Variants in SDK1 observed in about 807,000 individuals in gnomAD.
The protein encoded by SDK1 is sidekick cell adhesion molecule 1, also known as protein sidekick-1.
In SDK1, 157 loss-of-function variants were observed where a neutral mutation model predicts 245.5. The observed-to-expected ratio is 0.64, with a 90% CI of 0.56 to 0.73. The LOEUF (loss-of-function observed/expected upper bound fraction) is 0.73, where lower values mean the gene tolerates loss of function less well. Among genes scored for constraint, SDK1 ranks in the 30% least tolerant of loss-of-function variants. SDK1 has a pLI of 0.00. For synonymous variants in SDK1, 1,647 were observed against 1,278.5 expected (o/e 1.29, Z -6.15); for missense variants, 3,583 against 3,002.3 (o/e 1.19, Z -4.52).
chr7:3,955,011 G>T (rs1404860331), intron 7 of SDK1, among the ~76,000 whole-genome samples: 1 of 151,924 alleles, frequency 6.6e-6, no homozygotes, highest in African/African-American at 2.4e-5. Context: ...TCTGACTGCA[G>T]CACCTTAGTG....
chr7:4,056,153 ATT>A (rs34368464), intron 19 of SDK1, among the ~76,000 whole-genome samples: 1 of 142,352 alleles, frequency 7.0e-6, no homozygotes, highest in Non-Finnish European at 1.5e-5. Flanking sequence ...AATAATCTCA[ATT>A]TTTTTTTTTT....
At chr7:4,106,652 C>G (rs953215570) in intron 22 of SDK1, among the ~76,000 whole-genome samples, 1 of 152,196 alleles carries the variant, frequency 6.6e-6, no homozygotes, top group Non-Finnish European at 1.5e-5. Context: ...GGGAGCCGCA[C>G]GCCCGGCGTT....
At chr7:3,679,064 A>C (rs970769296) in intron 4 of SDK1, among the ~76,000 whole-genome samples, 7 of 152,228 alleles carry the variant, frequency 4.6e-5, no homozygotes. Flanking sequence ...TAGCTATGGC[A>C]CCAAAAACAT....
At chr7:3,467,291 A>G (rs1243837672) in intron 1 of SDK1, among the ~76,000 whole-genome samples, 1 of 152,110 alleles carries the variant, frequency 6.6e-6, no homozygotes, top group Non-Finnish European at 1.5e-5. Context: ...GGAGCCAATT[A>G]AATGCCACTT....
intron 1 of SDK1, among the ~76,000 whole-genome samples, chr7:3,502,118 C>T (rs191549822): frequency 5.7e-4 from 86 of 151,988 alleles, no homozygotes; most frequent in African/African-American, 1.7e-3. Flanking sequence ...ATTAGACAAA[C>T]GTGTGAGTTA....
rs1788139936 is a variant in SDK1, at chr7:4,035,435, C to T, written c.2603-13913C>T. Among the ~76,000 whole-genome samples the T allele has an allele frequency of 2.0e-5, 3 of 152,160 alleles. No individual in the cohort carries two copies. The South Asian group carries it at 6.2e-4, about 31-fold the overall frequency. On this transcript the variant is annotated intron_variant, in intron 17 of 44. Coordinates refer to ENST00000404826, the MANE Select transcript of SDK1 (RefSeq NM_152744.4). ...TAACTTTGAAAGATGGAAATTTGTA[C>T]ATCCTAGTGGGATGTACTCTAAGGA...
Position 4,266,846 on chromosome 7 carries a change from C to T in SDK1, c.*1462C>T. 1 of 985,612 alleles carries T rather than the reference C, an allele frequency of 1.0e-6. No homozygotes were observed. Among genetic ancestry groups the T allele is most frequent in the Non-Finnish European group, 1.2e-6 (1 of 830,056 alleles). 61.1% of individuals were successfully genotyped at this position (985,612 alleles called of 1,614,324 possible). ...CAGCAGCAGCGTGACACACACAAGA[C>T]TCAAGACCACCCTGTCAGTGCCCCC... On this transcript the variant is annotated 3_prime_UTR_variant, in exon 45 of 45. Coordinates refer to ENST00000404826, the MANE Select transcript of SDK1 (RefSeq NM_152744.4).
chr7:3,962,304 G>A (rs1781764188), intron 8 of SDK1, among the ~76,000 whole-genome samples: 1 of 152,222 alleles, frequency 6.6e-6, no homozygotes, highest in East Asian at 1.9e-4. Context: ...CGGTGGCTGA[G>A]TAGGGCACTG....
chr7:3,734,452 T>G (rs1416028960), intron 4 of SDK1, among the ~76,000 whole-genome samples: 1 of 152,212 alleles, frequency 6.6e-6, no homozygotes, highest in Non-Finnish European at 1.5e-5. Context: ...AATCCACTTA[T>G]AGATGGTGTT....
At chr7:3,550,638 G>A (rs529325232) in intron 1 of SDK1, among the ~76,000 whole-genome samples, 17 of 152,144 alleles carry the variant, frequency 1.1e-4, no homozygotes, top group Non-Finnish European at 2.1e-4. Flanking sequence ...GAAGTCTCTT[G>A]TGCTGATTAT....
At chr7:4,245,529 T>A (rs1274009915) in intron 43 of SDK1, 147 bp from the exon 44 acceptor site, 1 of 832,730 alleles carries the variant, frequency 1.2e-6, no homozygotes. Context: ...GTGCTCAGAA[T>A]TTTTTGCATC....
chr7:3,971,735 A>C (rs550779414), intron 12 of SDK1, among the ~76,000 whole-genome samples, 167 bp downstream of exon 12: 45 of 151,892 alleles, frequency 3.0e-4, no homozygotes, highest in African/African-American at 9.4e-4. Context: ...TGCAAATCCC[A>C]TTTTCCACTC....
At chr7:4,019,858 T>C (rs918448328) in intron 17 of SDK1, among the ~76,000 whole-genome samples, 3 of 152,288 alleles carry the variant, frequency 2.0e-5, no homozygotes, top group East Asian at 3.9e-4. Flanking sequence ...CAGATGTGGA[T>C]GGCCCTCCCT....
intron 20 of SDK1, among the ~76,000 whole-genome samples, chr7:4,071,149 C>G (rs1780233372): frequency 6.6e-6 from 1 of 152,088 alleles, no homozygotes; most frequent in Non-Finnish European, 1.5e-5. Context: ...CTTAGCCTCC[C>G]AAGTAGCTGG....
intron 4 of SDK1, among the ~76,000 whole-genome samples, chr7:3,734,476 G>A (rs1406862240): frequency 2.0e-5 from 3 of 152,058 alleles, no homozygotes; most frequent in African/African-American, 7.3e-5. Context: ...AATGATCCTT[G>A]AAAAGGGATG....
chr7:3,634,606 T>C (rs1782398211), intron 2 of SDK1, among the ~76,000 whole-genome samples: 1 of 152,202 alleles, frequency 6.6e-6, no homozygotes, highest in African/African-American at 2.4e-5. Context: ...TCATACTTTC[T>C]TATAAAGAGC....
At chr7:3,734,573 C>A (rs951868752) in intron 4 of SDK1, among the ~76,000 whole-genome samples, 3 of 152,218 alleles carry the variant, frequency 2.0e-5, no homozygotes, top group African/African-American at 7.2e-5. Flanking sequence ...AAGATACTAT[C>A]TAAGATTAGT....
intron 22 of SDK1, among the ~76,000 whole-genome samples, chr7:4,082,214 G>A (rs1042868001): frequency 2.6e-5 from 4 of 152,066 alleles, no homozygotes; most frequent in Non-Finnish European, 5.9e-5. Flanking sequence ...TACACCAGTC[G>A]TCTGTGAGCT....
intron 3 of SDK1, among the ~76,000 whole-genome samples, chr7:3,640,051 C>T (rs539093864): frequency 1.6e-4 from 25 of 152,088 alleles, no homozygotes; most frequent in East Asian, 5.8e-4. Flanking sequence ...GGGGAGGGAT[C>T]GCACTGCATT....
Sources: allele counts gnomAD v4.1 joint callset (sites outside exome capture counted in the v4.1 genomes callset), GRCh38; gene constraint gnomAD v4.1.1; transcripts MANE v1.5; gene names NCBI Gene and HGNC (gene_info 2026-07-23, HGNC 2026-07-21).